The following RAI14 variants were observed in gnomAD, a reference collection of about 807,000 sequenced individuals.
RAI14 encodes the protein ankycorbin.
In RAI14, 45 loss-of-function variants were observed where a neutral mutation model predicts 115.4. The ratio of observed to expected loss-of-function variants is 0.39; its 90% CI spans 0.31 to 0.50. The LOEUF is 0.50. RAI14 is among the 20% of genes least tolerant of loss of function. RAI14 has a pLI of 0.85. For missense variants in RAI14, 939 were observed against 1,131.2 expected, an observed-to-expected ratio of 0.83 and a Z score of 2.44; for synonymous variants, 371 against 415.4, an observed-to-expected ratio of 0.89 and a Z score of 1.30.
At chr5:34,775,907 C>A (rs1161301050) in intron 3 of RAI14, among the ~76,000 whole-genome samples, 1 of 152,178 alleles carries the variant, frequency 6.6e-6, no homozygotes, top group African/African-American at 2.4e-5. Flanking sequence ...ATACAGCAAT[C>A]CCACTGCTAG....
chr5:34,670,773 C>A (rs968418503), intron 1 of RAI14, among the ~76,000 whole-genome samples: 14 of 152,154 alleles, frequency 9.2e-5, no homozygotes, highest in Non-Finnish European at 2.1e-4. Context: ...AGATGTAGTT[C>A]TTTTATTAGT....
At chr5:34,671,284 A>G (rs1232379436) in intron 1 of RAI14, among the ~76,000 whole-genome samples, 1 of 152,200 alleles carries the variant, frequency 6.6e-6, no homozygotes, top group Non-Finnish European at 1.5e-5. Flanking sequence ...GCAGGATAAT[A>G]GTTGAGTTTG....
At chr5:34,685,346 G>A (rs531119789) in intron 1 of RAI14, among the ~76,000 whole-genome samples, 104 of 152,272 alleles carry the variant, frequency 6.8e-4, no homozygotes, top group African/African-American at 2.5e-3. Flanking sequence ...TCCAAGTGAA[G>A]TAACTCAGGA....
intron 1 of RAI14, among the ~76,000 whole-genome samples, chr5:34,658,813 AAAT>A (rs796890715): frequency 5.6e-4 from 85 of 152,172 alleles, no homozygotes; most frequent in African/African-American, 1.9e-3. Context: ...ATAAATAAAT[AAAT>A]AAGTATGAAA....
chr5:34,668,676 G>C (rs1275991874), intron 1 of RAI14, among the ~76,000 whole-genome samples: 1 of 146,864 alleles, frequency 6.8e-6, no homozygotes, highest in Non-Finnish European at 1.5e-5. Flanking sequence ...TTTTTTATGA[G>C]CTTTTTTAAA....
At chr5:34,750,848 A>ATTTTTTTT (rs869028180) in intron 2 of RAI14, among the ~76,000 whole-genome samples, 3,089 of 83,416 alleles carry the variant, frequency 0.037, 273 homozygotes, top group African/African-American at 0.074. Context: ...TTGCTTTATC[A>ATTTTTTTT]TTTTTTTTTT....
chr5:34,766,647 C>T (rs898254047), intron 3 of RAI14, among the ~76,000 whole-genome samples: 11 of 152,080 alleles, frequency 7.2e-5, no homozygotes, highest in South Asian at 4.1e-4. Flanking sequence ...GTCTCAGATG[C>T]GACTTTGGAC....
At chr5:34,756,331 T>C (rs1747870144) in intron 2 of RAI14, among the ~76,000 whole-genome samples, 1 of 152,124 alleles carries the variant, frequency 6.6e-6, no homozygotes, top group South Asian at 2.1e-4. Flanking sequence ...CTTTTAAGGG[T>C]CGATCGTAAA....
chr5:34,699,778 C>G (rs971293421), intron 2 of RAI14, among the ~76,000 whole-genome samples: 4 of 152,256 alleles, frequency 2.6e-5, no homozygotes, highest in African/African-American at 9.6e-5. Flanking sequence ...CTGGTGCACA[C>G]GGGTGTTTGC....
At chr5:34,825,785 G>A (rs75019880) in intron 15 of RAI14, among the ~76,000 whole-genome samples, 317 of 152,220 alleles carry the variant, frequency 2.1e-3, no homozygotes, top group African/African-American at 7.5e-3. Context: ...GAGACTACTT[G>A]TCTTTATTCT....
intron 1 of RAI14, chr5:34,658,969 T>C (rs547024364): frequency 1.3e-5 from 2 of 152,134 alleles, no homozygotes; most frequent in African/African-American, 2.4e-5. Flanking sequence ...ATTTGATCTA[T>C]TCCTACTCCT....
rs1757155980 is a variant in RAI14 at position 34,823,754 on chromosome 5, A to G, written c.1912A>G (p.Ile638Val). The change falls in exon 15 of 18, where the codon ATA (isoleucine) becomes GTA (valine). Residue 638 changes from isoleucine to valine, a missense_variant. Transcript: ENST00000265109. The surrounding 1 kb of genome is among the most constrained non-coding windows in gnomAD (Gnocchi z 4.5). ...EDMKEAMNRM[I>V]DELNKQVSEL... The stretch of plus-strand genomic sequence containing the variant: ...CATGAAAGAAGCCATGAATAGGATG[A>G]TAGATGAACTCAATAAACAGGTGAG... 1 of 1,614,242 alleles carries G rather than the reference A, an allele frequency of 6.2e-7. No homozygotes were observed. The highest frequency in any genetic ancestry group is 8.5e-7 in the Non-Finnish European group (1 of 1,180,048).
intron 3 of RAI14, 113 bp from the exon 4 acceptor site, chr5:34,795,826 C>A: frequency 1.3e-6 from 1 of 744,450 alleles, no homozygotes; most frequent in Non-Finnish European, 2.2e-6. Context: ...GCTTGTAGAG[C>A]TCAAGGAAGA....
At chr5:34,822,021 T>C (rs2150293972) in intron 14 of RAI14, among the ~76,000 whole-genome samples, 171 bp downstream of exon 14, 1 of 151,564 alleles carries the variant, frequency 6.6e-6, no homozygotes, top group Non-Finnish European at 1.5e-5. Context: ...ATTCATTAAC[T>C]CTTTCTGTAA....
chr5:34,826,271 T>C (rs1757436690), intron 15 of RAI14, 59 bp from the exon 16 acceptor site: 4 of 1,518,400 alleles, frequency 2.6e-6, no homozygotes, highest in South Asian at 2.5e-5. Flanking sequence ...TACAAATATA[T>C]GAAATTTTGC....
At chr5:34,775,945 T>C (rs1750779619) in intron 3 of RAI14, among the ~76,000 whole-genome samples, 1 of 152,240 alleles carries the variant, frequency 6.6e-6, no homozygotes, top group Admixed American at 6.5e-5. Flanking sequence ...TGGAAATTGC[T>C]ATATTGAAAA....
intron 3 of RAI14, among the ~76,000 whole-genome samples, chr5:34,776,143 A>G (rs2150144906): frequency 6.6e-6 from 1 of 152,338 alleles, no homozygotes; most frequent in South Asian, 2.1e-4. Context: ...ACTGGAGGTC[A>G]TTATGTTAAC....
At chr5:34,787,004 C>T (rs1288007969) in intron 3 of RAI14, among the ~76,000 whole-genome samples, 1 of 152,222 alleles carries the variant, frequency 6.6e-6, no homozygotes, top group Non-Finnish European at 1.5e-5. Flanking sequence ...GCATCAGGAA[C>T]ATGTCCTTAA....
At chr5:34,703,330 G>T (rs1484348507) in intron 2 of RAI14, among the ~76,000 whole-genome samples, 1 of 152,148 alleles carries the variant, frequency 6.6e-6, no homozygotes, top group Non-Finnish European at 1.5e-5. Context: ...AGGATATTCA[G>T]CATAAAAAAG....
Sources: gnomAD v4.1 joint callset for allele counts (sites outside exome capture counted in the v4.1 genomes callset) on GRCh38, gnomAD v4.1.1 for gene constraint, Gnocchi (gnomAD v3.1) non-coding constraint, MANE v1.5 for transcripts, NCBI Gene and HGNC (gene_info 2026-07-23, HGNC 2026-07-21) for gene names.